The following MAPKAP1 variants were observed in gnomAD, a reference collection of about 807,000 sequenced individuals.
The protein encoded by MAPKAP1 is target of rapamycin complex 2 subunit MAPKAP1.
MAPKAP1 carries 20 observed loss-of-function variants against 65.7 expected under a neutral mutation model. The observed-to-expected ratio is 0.30, with a 90% CI of 0.21 to 0.44. The LOEUF (loss-of-function observed/expected upper bound fraction) is 0.44. MAPKAP1 is among the 20% of genes least tolerant of loss of function. The pLI is 1.00. For synonymous variants in MAPKAP1, 222 were observed against 244.3 expected (o/e 0.91, Z 0.85); for missense variants, 423 against 648.0 (o/e 0.65, Z 3.77).
chr9:125,563,541 A>G (rs774462402), intron 5 of MAPKAP1, among the ~76,000 whole-genome samples: 87 of 152,082 alleles, frequency 5.7e-4, no homozygotes, highest in Non-Finnish European at 9.3e-4. Flanking sequence ...GCTTTTTCCT[A>G]TTTCTGCATC....
chr9:125,590,412 G>A (rs1831921492), intron 4 of MAPKAP1, among the ~76,000 whole-genome samples: 1 of 152,132 alleles, frequency 6.6e-6, no homozygotes, highest in East Asian at 1.9e-4. Flanking sequence ...CACTTTGGGA[G>A]GAAAAGGTGG....
intron 6 of MAPKAP1, among the ~76,000 whole-genome samples, chr9:125,554,531 GCT>G (rs755702524): frequency 0.011 from 1,658 of 152,314 alleles, 36 homozygotes; most frequent in African/African-American, 0.037. Context: ...AGGAGCGGTG[GCT>G]CATGCCTGTA....
intron 1 of MAPKAP1, among the ~76,000 whole-genome samples, chr9:125,677,651 G>C (rs2131814299): frequency 6.6e-6 from 1 of 152,162 alleles, no homozygotes; most frequent in South Asian, 2.1e-4. Flanking sequence ...AGCCGAAATT[G>C]CCACTGCACT....
intron 4 of MAPKAP1, among the ~76,000 whole-genome samples, chr9:125,640,253 G>A (rs146455479): frequency 3.3e-5 from 5 of 152,060 alleles, no homozygotes; most frequent in South Asian, 4.2e-4. Flanking sequence ...ACAGGTGCCC[G>A]CCACCACGCC....
At chr9:125,462,094 AAG>A (rs534282891) in intron 10 of MAPKAP1, among the ~76,000 whole-genome samples, 1 of 152,350 alleles carries the variant, frequency 6.6e-6, no homozygotes, top group African/African-American at 2.4e-5. Context: ...TCACATGAGA[AAG>A]AGAGAGAGCG....
chr9:125,674,884 G>A (rs1306170736), intron 1 of MAPKAP1, among the ~76,000 whole-genome samples: 1 of 152,080 alleles, frequency 6.6e-6, no homozygotes, highest in Non-Finnish European at 1.5e-5. Context: ...CTAATACCAT[G>A]GGATTCCTTT....
chr9:125,484,328 A>C lies in MAPKAP1; in HGVS notation c.1207+115T>G, dbSNP rs1327142183. ...TCCATTGTTTAAACATTTTCTCAGA[A>C]AACAAATTACTTTTAGTCATTCAGG... is the stretch of plus-strand genomic sequence containing the variant. On this transcript the variant is annotated intron_variant, in intron 9 of 11. Transcript: ENST00000265960. 4 of 1,117,986 alleles carry C rather than the reference A, an allele frequency of 3.6e-6. No individual in the cohort carries two copies. The African/African-American group carries it at 4.8e-5, about 13-fold the overall frequency. The allele number at this position is 1,117,986 out of a possible 1,614,324, so 69.3% of individuals were successfully genotyped here.
intron 5 of MAPKAP1, among the ~76,000 whole-genome samples, chr9:125,569,772 T>C (rs1371371904): frequency 6.6e-6 from 1 of 152,222 alleles, no homozygotes; most frequent in Non-Finnish European, 1.5e-5. Flanking sequence ...ACAACTACTG[T>C]AGTAATCTTC....
At chr9:125,530,586 T>C (rs1829906652) in intron 7 of MAPKAP1, among the ~76,000 whole-genome samples, 1 of 152,244 alleles carries the variant, frequency 6.6e-6, no homozygotes, top group South Asian at 2.1e-4. Flanking sequence ...ATAAGGCTTG[T>C]GACCATTAAT....
intron 4 of MAPKAP1, among the ~76,000 whole-genome samples, chr9:125,628,159 G>A (rs1833169127): frequency 6.6e-6 from 1 of 152,200 alleles, no homozygotes; most frequent in Non-Finnish European, 1.5e-5. Flanking sequence ...TAGTGAACTT[G>A]TAGGAGGCAG....
At chr9:125,616,651 C>T (rs142406449) in intron 4 of MAPKAP1, among the ~76,000 whole-genome samples, 13 of 152,064 alleles carry the variant, frequency 8.5e-5, no homozygotes, top group African/African-American at 2.7e-4. Flanking sequence ...TAATGAGATA[C>T]AATTTCACAC....
chr9:125,545,561 T>C (rs1830398782), intron 6 of MAPKAP1, among the ~76,000 whole-genome samples: 1 of 152,234 alleles, frequency 6.6e-6, no homozygotes, highest in Admixed American at 6.5e-5. Flanking sequence ...CTACAGGAAC[T>C]ACTGTAGATT....
chr9:125,676,537 G>A (rs529658844), intron 1 of MAPKAP1, among the ~76,000 whole-genome samples: 146 of 44,946 alleles, frequency 3.2e-3, no homozygotes, highest in Non-Finnish European at 8.3e-3. Context: ...GACAAGTACC[G>A]TATGATTCCA....
chr9:125,500,995 T>C (rs1389457847), intron 8 of MAPKAP1, among the ~76,000 whole-genome samples: 1 of 152,208 alleles, frequency 6.6e-6, no homozygotes, highest in Admixed American at 6.5e-5. Flanking sequence ...GGTGTAACTT[T>C]TCCTTTGGCT....
chr9:125,695,336 T>C lies in MAPKAP1; in HGVS notation c.-70+11635A>G, dbSNP rs148478089. ...ATATAGTGAAATGCTAATCTCCTAA[T>C]TAACAACCTAATTAGGTAATTATGG... On this transcript the variant is annotated intron_variant, in intron 1 of 11. Coordinates refer to ENST00000265960, the MANE Select transcript of MAPKAP1 (RefSeq NM_001006617.3). Among the ~76,000 whole-genome samples, 847 of 152,292 alleles carry C rather than the reference T, an allele frequency of 5.6e-3. 2 individuals are homozygous for C. The highest frequency in any genetic ancestry group is 0.017 in the Middle Eastern group (5 of 294).
intron 3 of MAPKAP1, among the ~76,000 whole-genome samples, chr9:125,668,607 AAT>A (rs1834407456): frequency 6.6e-6 from 1 of 152,172 alleles, no homozygotes; most frequent in South Asian, 2.1e-4. Context: ...ACCACTATAA[AAT>A]ATTTTAATAG....
rs146076761 is a variant in MAPKAP1, at chr9:125,539,571, A to G, written c.958+3488T>C. 4.2e-3 allele frequency among the ~76,000 whole-genome samples: 644 copies of G among 152,336 alleles called. 4 individuals carry two copies. The highest frequency in any genetic ancestry group is 0.014 in the African/African-American group (602 of 41,566). On this transcript the variant is annotated intron_variant, in intron 7 of 11. Coordinates refer to ENST00000265960, the MANE Select transcript of MAPKAP1 (RefSeq NM_001006617.3). Reference sequence around the variant, plus strand: ...AGGGCTGATGGTTAACCGCATTTTTAAATAACAACAAAGGTCACTGATTGT... The same window carrying G: ...AGGGCTGATGGTTAACCGCATTTTTGAATAACAACAAAGGTCACTGATTGT...
rs2132909444 is a variant in MAPKAP1, at chr9:125,438,710, C to T, written c.*177G>A. On this transcript the variant is annotated 3_prime_UTR_variant, in exon 12 of 12. Transcript: ENST00000265960. Reference sequence around the variant, plus strand: ...AGACTTCCGTCCCATGGCAATGTCCCCAGCGCTCCCTCCTAGGGGGCCCCC... The same window carrying T: ...AGACTTCCGTCCCATGGCAATGTCCTCAGCGCTCCCTCCTAGGGGGCCCCC... 4.4e-6 allele frequency: 3 copies of T among 688,342 alleles called. No individual in the cohort carries two copies. In the East Asian group the frequency reaches 7.9e-5, roughly 18 times the overall value. 42.6% of individuals were successfully genotyped at this position (688,342 alleles called of 1,614,324 possible). A position where few individuals can be genotyped will look rare whatever the true frequency, so the allele number is the denominator to read the frequency against.
At chr9:125,575,946 A>G (rs561676133) in intron 5 of MAPKAP1, among the ~76,000 whole-genome samples, 2 of 152,372 alleles carry the variant, frequency 1.3e-5, no homozygotes, top group South Asian at 4.1e-4. Flanking sequence ...AGCAACCAAG[A>G]TATCTTTCAA....
Sources: gnomAD v4.1 joint callset for allele counts (sites outside exome capture counted in the v4.1 genomes callset) on GRCh38, gnomAD v4.1.1 for gene constraint, MANE v1.5 for transcripts, NCBI Gene and HGNC (gene_info 2026-07-23, HGNC 2026-07-21) for gene names.